The following DPH6 variants were observed in gnomAD, a reference collection of about 807,000 sequenced individuals.
DPH6 encodes the protein diphthine--ammonia ligase.
In DPH6, 33 loss-of-function variants were observed where a neutral mutation model predicts 38.2. The ratio of observed to expected loss-of-function variants is 0.86; its 90% CI spans 0.65 to 1.15. DPH6 has a LOEUF of 1.15. DPH6 is among the 50% of genes most tolerant of loss of function. DPH6 has a pLI of 0.00. For missense variants in DPH6, 325 were observed against 320.0 expected, an observed-to-expected ratio of 1.02 and a Z score of -0.12; for synonymous variants, 108 against 103.0, an observed-to-expected ratio of 1.05 and a Z score of -0.30.
chr15:35,495,107 TCTA>T lies in DPH6; in HGVS notation c.313-40290_313-40288del, dbSNP rs1371603995. Among the ~76,000 whole-genome samples, 5 of 152,168 alleles carry T rather than the reference TCTA, an allele frequency of 3.3e-5. No homozygotes were observed. The East Asian group carries it at 9.6e-4, about 29-fold the overall frequency. The stretch of plus-strand genomic sequence containing the variant: ...AATTTGATAGTATTATGTTACAGGT[TCTA>T]CTGTGTCCCCTCAAAATTCATATGT... On this transcript the variant is annotated intron_variant, in intron 3 of 8. Transcript: ENST00000256538.
intron 5 of DPH6, among the ~76,000 whole-genome samples, chr15:35,449,426 C>G (rs1459033236): frequency 6.6e-6 from 1 of 152,030 alleles, no homozygotes; most frequent in Non-Finnish European, 1.5e-5. Context: ...CTTTGACTAT[C>G]TTTTCAATAA....
chr15:35,537,454 T>A (rs1365231261), intron 3 of DPH6, among the ~76,000 whole-genome samples: 33 of 152,160 alleles, frequency 2.2e-4, no homozygotes, highest in Non-Finnish European at 3.8e-4. Flanking sequence ...ATAACTGAAC[T>A]GTATTCAAAT....
intron 3 of DPH6, among the ~76,000 whole-genome samples, chr15:35,267,796 G>A (rs762227002): frequency 2.0e-5 from 3 of 152,146 alleles, no homozygotes; most frequent in Non-Finnish European, 4.4e-5. Flanking sequence ...TCTTAGTCCA[G>A]TGCTCAAATA....
At chr15:35,285,872 G>GTTTTTTTTTTTTTTATTTTTTTTTTTTTT (rs2051939163) in intron 3 of DPH6, among the ~76,000 whole-genome samples, 1 of 52,794 alleles carries the variant, frequency 1.9e-5, no homozygotes, top group African/African-American at 7.5e-5. Flanking sequence ...TTATCTTTGA[G>GTTTTTTTTTTTTTTATTTTTTTTTTTTTT]TTTTTTTTTT....
chr15:35,476,433 G>A (rs2054264475), intron 3 of DPH6, among the ~76,000 whole-genome samples: 1 of 151,662 alleles, frequency 6.6e-6, no homozygotes, highest in Admixed American at 6.6e-5. Context: ...TTATAAAGTA[G>A]GTTATTAAAG....
intron 3 of DPH6, among the ~76,000 whole-genome samples, chr15:35,457,405 T>C (rs1049607945): frequency 3.3e-5 from 5 of 152,178 alleles, no homozygotes; most frequent in Non-Finnish European, 5.9e-5. Flanking sequence ...GTGATTCTTG[T>C]GCCTCAGCCT....
At chr15:35,465,723 C>T (rs1245001670) in intron 3 of DPH6, among the ~76,000 whole-genome samples, 1 of 151,978 alleles carries the variant, frequency 6.6e-6, no homozygotes, top group East Asian at 1.9e-4. Flanking sequence ...TCTGGAGCTC[C>T]CCCATTAAAC....
chr15:35,185,417 G>A, the DPH6 span, among the ~76,000 whole-genome samples: 1 of 152,292 alleles, frequency 6.6e-6, no homozygotes, highest in East Asian at 1.9e-4. Flanking sequence ...AGGGAGGACA[G>A]AGAAGTGCTT....
rs552842583 is a variant in DPH6 at position 35,467,990 on chromosome 15, C to T, written c.313-13170G>A. 2.0e-5 allele frequency among the ~76,000 whole-genome samples: 3 copies of T among 152,214 alleles called. No individual in the cohort carries two copies. In the South Asian group the frequency reaches 6.2e-4, roughly 32 times the overall value. On this transcript the variant is annotated intron_variant, in intron 3 of 8. Coordinates refer to ENST00000256538, the MANE Select transcript of DPH6 (RefSeq NM_080650.4). The stretch of plus-strand genomic sequence containing the variant: ...CACCGTATACATGGTCCTTTGTTAA[C>T]CAAAACATTGTTAAGTGGCACAGGC...
At chr15:35,354,166 T>G (rs2052539715) in intron 3 of DPH6, among the ~76,000 whole-genome samples, 1 of 152,338 alleles carries the variant, frequency 6.6e-6, no homozygotes, top group Non-Finnish European at 1.5e-5. Context: ...CCTATCAGCT[T>G]AAGGAGATTT....
intron 3 of DPH6, among the ~76,000 whole-genome samples, chr15:35,506,857 T>C (rs2054701371): frequency 6.6e-6 from 1 of 152,194 alleles, no homozygotes; most frequent in South Asian, 2.1e-4. Context: ...TAATCATACA[T>C]TGAATTAACA....
intron 3 of DPH6, chr15:35,489,779 G>A: frequency 1.0e-6 from 1 of 982,876 alleles, no homozygotes; most frequent in Non-Finnish European, 1.2e-6. Flanking sequence ...GGAGGATAGA[G>A]AACAAAATTC....
At chr15:35,275,069 C>A (rs1026121364) in intron 3 of DPH6, among the ~76,000 whole-genome samples, 11 of 152,080 alleles carry the variant, frequency 7.2e-5, no homozygotes, top group African/African-American at 2.4e-4. Flanking sequence ...TGCCCGCCAC[C>A]ACGCCTGGCT....
chr15:35,326,695 C>T (rs1324292414), downstream of DPH6, among the ~76,000 whole-genome samples: 3 of 152,132 alleles, frequency 2.0e-5, no homozygotes, highest in Admixed American at 6.5e-5. Flanking sequence ...CTCAGCTGCC[C>T]AAAGTTCTGT....
intron 3 of DPH6, among the ~76,000 whole-genome samples, chr15:35,526,527 A>T (rs895393948): frequency 6.6e-6 from 1 of 152,138 alleles, no homozygotes; most frequent in Non-Finnish European, 1.5e-5. Context: ...AGTATGGCAT[A>T]ATTCTGCTGG....
the DPH6 span, among the ~76,000 whole-genome samples, chr15:35,211,117 CATAAAAATTCTGTG>C: frequency 6.6e-6 from 1 of 151,672 alleles, no homozygotes; most frequent in Non-Finnish European, 1.5e-5. Flanking sequence ...TTCTGGTTTT[CATAAAAATTCTGTG>C]ATAAAACCCT....
chr15:35,279,159 T>G (rs1012984769), intron 3 of DPH6, among the ~76,000 whole-genome samples: 5 of 151,704 alleles, frequency 3.3e-5, no homozygotes, highest in Admixed American at 2.0e-4. Flanking sequence ...CCCCTTTTTT[T>G]GGGGTGATTT....
intron 3 of DPH6, among the ~76,000 whole-genome samples, chr15:35,465,546 G>T (rs965101580): frequency 5.9e-5 from 9 of 152,022 alleles, no homozygotes; most frequent in African/African-American, 2.2e-4. Flanking sequence ...AATAACCAAA[G>T]AAATGAATAT....
At chr15:35,400,740 T>C (rs2053206119) in intron 6 of DPH6, 1 of 735,404 alleles carries the variant, frequency 1.4e-6, no homozygotes, top group Non-Finnish European at 2.5e-6. Context: ...AGGAAGCTCT[T>C]ATTGGAGGGT....
Sources: gnomAD v4.1 joint callset for allele counts (sites outside exome capture counted in the v4.1 genomes callset) on GRCh38, gnomAD v4.1.1 for gene constraint, MANE v1.5 for transcripts, NCBI Gene and HGNC (gene_info 2026-07-23, HGNC 2026-07-21) for gene names.